SHC4: variants seen among roughly 807,000 people sequenced by gnomAD.
SHC4 encodes the protein SHC-transforming protein 4.
A neutral mutation model predicts 69.4 loss-of-function variants in SHC4; 41 were observed. The observed-to-expected ratio is 0.59, with a 90% CI of 0.46 to 0.77. The LOEUF (loss-of-function observed/expected upper bound fraction) is 0.77, where lower values mean the gene tolerates loss of function less well. SHC4 is among the 30% of genes least tolerant of loss of function. The pLI, the probability that SHC4 is intolerant of heterozygous loss-of-function variation, is 0.00. For missense variants in SHC4, 777 were observed against 783.8 expected (o/e 0.99, Z 0.10); for synonymous variants, 318 against 299.3 (o/e 1.06, Z -0.64).
At chr15:48,883,911 A>G (rs1899987598) in intron 4 of SHC4, among the ~76,000 whole-genome samples, 1 of 152,190 alleles carries the variant, frequency 6.6e-6, no homozygotes, top group Non-Finnish European at 1.5e-5. Context: ...AGTTGTGATA[A>G]CGGAATTGCT....
chr15:48,944,140 G>T (rs1901229760), intron 1 of SHC4, among the ~76,000 whole-genome samples: 1 of 152,164 alleles, frequency 6.6e-6, no homozygotes, highest in African/African-American at 2.4e-5. Flanking sequence ...GTAAAGGGAT[G>T]GGCTCTTGCA....
At chr15:48,878,213 G>A (rs377406557) in intron 4 of SHC4, 2 of 1,593,812 alleles carry the variant, frequency 1.3e-6, no homozygotes, top group Non-Finnish European at 1.7e-6. Context: ...GCTGTATGAA[G>A]AGAGCAGTGA....
rs767209755 is a variant in SHC4 at position 48,963,434 on chromosome 15, C to CCAGAAA, written c.-420_-419insTTTCTG. The stretch of plus-strand genomic sequence containing the variant: ...CACCCGACTCCCACCCTCACCCCAG[C>CCAGAAA]CTTCTGTTCTGCACACAGGAACTTT... On this transcript the variant is annotated 5_prime_UTR_variant, in exon 1 of 12. Transcript: ENST00000332408. 3 of 191,938 alleles carry CCAGAAA rather than the reference C, an allele frequency of 1.6e-5. No homozygotes were observed. The Admixed American group carries it at 1.6e-4, about 10-fold the overall frequency. 11.9% of individuals were successfully genotyped at this position (191,938 alleles called of 1,614,324 possible). A position where few individuals can be genotyped will look rare whatever the true frequency, so the allele number is the denominator to read the frequency against.
intron 9 of SHC4, among the ~76,000 whole-genome samples, chr15:48,848,049 A>G (rs1172386820): frequency 6.6e-6 from 1 of 151,916 alleles, no homozygotes; most frequent in Non-Finnish European, 1.5e-5. Context: ...ACATAAAAAC[A>G]TATGCCCAAG....
intron 11 of SHC4, 131 bp from the exon 12 acceptor site, chr15:48,826,257 T>A: frequency 1.2e-6 from 1 of 835,930 alleles, no homozygotes; most frequent in East Asian, 3.0e-5. Flanking sequence ...AAGGTACTTT[T>A]TTTTTTTTTT....
At chr15:48,877,021 T>A (rs1412034657) in intron 4 of SHC4, 1 of 153,710 alleles carries the variant, frequency 6.5e-6, no homozygotes, top group African/African-American at 2.4e-5. Context: ...CAAATGACGG[T>A]GGCCTTAAAA....
chr15:48,959,135 A>G (rs553843219), intron 1 of SHC4, among the ~76,000 whole-genome samples: 7 of 152,252 alleles, frequency 4.6e-5, no homozygotes, highest in South Asian at 2.1e-4. Context: ...AGTCCCTATC[A>G]TAAAGAGAAA....
Position 48,963,189 on chromosome 15 carries a change from C to T in SHC4, c.-174G>A. On this transcript the variant is annotated 5_prime_UTR_variant, in exon 1 of 12. The change abolishes an upstream ATG in the 5' untranslated region. Coordinates refer to ENST00000332408, the MANE Select transcript of SHC4 (RefSeq NM_203349.4). ...TCCCGGCCCCTTAAGGGTGACAGCC[C>T]ATGGGGGAAACGCCTCCCCTGCTCT... is the stretch of plus-strand genomic sequence containing the variant. 2 of 635,128 alleles carry T rather than the reference C, an allele frequency of 3.1e-6. No individual in the cohort carries two copies. Among genetic ancestry groups the T allele is most frequent in the Non-Finnish European group, 2.6e-6 (1 of 377,602 alleles). The allele number at this position is 635,128 out of a possible 1,614,324, so 39.3% of individuals were successfully genotyped here. A position where few individuals can be genotyped will look rare whatever the true frequency, so the allele number is the denominator to read the frequency against.
chr15:48,907,946 T>C (rs1437193499), intron 2 of SHC4, among the ~76,000 whole-genome samples: 1 of 152,040 alleles, frequency 6.6e-6, no homozygotes, highest in East Asian at 1.9e-4. Flanking sequence ...GTTGTGCTGC[T>C]ATAAACCTGT....
At chr15:48,828,722 T>C (rs1159699869) in intron 11 of SHC4, among the ~76,000 whole-genome samples, 2 of 152,206 alleles carry the variant, frequency 1.3e-5, no homozygotes, top group African/African-American at 4.8e-5. Context: ...AGGTATTATC[T>C]CACTGTGGTT....
chr15:48,826,931 A>G (rs1898700432), intron 11 of SHC4, among the ~76,000 whole-genome samples: 1 of 152,194 alleles, frequency 6.6e-6, no homozygotes, highest in Admixed American at 6.5e-5. Context: ...TGATTCACAG[A>G]TATTTGTTGC....
At chr15:48,944,826 C>T (rs1347923403) in intron 1 of SHC4, among the ~76,000 whole-genome samples, 1 of 152,164 alleles carries the variant, frequency 6.6e-6, no homozygotes, top group East Asian at 1.9e-4. Context: ...CTTAAATAGG[C>T]TTTCCTATAT....
chr15:48,875,818 T>C (rs1202050180), intron 4 of SHC4, among the ~76,000 whole-genome samples: 1 of 152,236 alleles, frequency 6.6e-6, no homozygotes, highest in Admixed American at 6.5e-5. Flanking sequence ...TGTGAGTCTA[T>C]GCACCATGTC....
chr15:48,908,367 A>G (rs1298443224), intron 2 of SHC4, among the ~76,000 whole-genome samples: 4 of 152,072 alleles, frequency 2.6e-5, no homozygotes, highest in African/African-American at 7.3e-5. Context: ...GTGTCTATTC[A>G]TGTCCTTAGC....
intron 2 of SHC4, among the ~76,000 whole-genome samples, chr15:48,902,049 A>G (rs989077857): frequency 5.3e-5 from 8 of 152,012 alleles, no homozygotes; most frequent in African/African-American, 1.9e-4. Flanking sequence ...AAAAAATACA[A>G]AAGTTAGCCA....
chr15:48,882,493 G>C (rs1057137862), intron 4 of SHC4, among the ~76,000 whole-genome samples: 1 of 152,136 alleles, frequency 6.6e-6, no homozygotes, highest in Non-Finnish European at 1.5e-5. Context: ...AAAGATTATG[G>C]ATGGGTAGTA....
intron 1 of SHC4, among the ~76,000 whole-genome samples, chr15:48,926,886 C>A (rs542040996): frequency 6.6e-6 from 1 of 152,258 alleles, no homozygotes; most frequent in Admixed American, 6.5e-5. Flanking sequence ...CTCATCCAGA[C>A]TCCTGTTAGT....
At chr15:48,941,972 T>C (rs1468220281) in intron 1 of SHC4, among the ~76,000 whole-genome samples, 1 of 152,184 alleles carries the variant, frequency 6.6e-6, no homozygotes, top group Non-Finnish European at 1.5e-5. Context: ...TATTTCATTC[T>C]CATTTATAAA....
intron 8 of SHC4, among the ~76,000 whole-genome samples, chr15:48,853,136 G>A (rs1397094302): frequency 1.3e-5 from 2 of 151,554 alleles, no homozygotes; most frequent in African/African-American, 2.4e-5. Context: ...ATAAAGTTTC[G>A]GGACACAAAA....
Sources: gnomAD v4.1 joint callset for allele counts (sites outside exome capture counted in the v4.1 genomes callset) on GRCh38, gnomAD v4.1.1 for gene constraint, MANE v1.5 for transcripts, NCBI Gene and HGNC (gene_info 2026-07-23, HGNC 2026-07-21) for gene names.